JMJD1C: variants seen among roughly 807,000 people sequenced by gnomAD.
The protein encoded by JMJD1C is jumonji domain containing 1C.
In JMJD1C, 31 loss-of-function variants were observed where a neutral mutation model predicts 245.3. The ratio of observed to expected loss-of-function variants is 0.13; its 90% CI spans 0.09 to 0.17. JMJD1C has a LOEUF of 0.17. Ranked by LOEUF, JMJD1C falls within the 10% of genes least tolerant of loss-of-function variation. The pLI is 1.00. For missense variants in JMJD1C, 2,691 were observed against 3,000.2 expected (o/e 0.90, Z 2.41); for synonymous variants, 1,057 against 1,017.4 (o/e 1.04, Z -0.74).
intron 8 of JMJD1C, among the ~76,000 whole-genome samples, chr10:63,212,539 G>C (rs1187423941): frequency 1.3e-5 from 2 of 152,096 alleles, no homozygotes; most frequent in Non-Finnish European, 2.9e-5. Flanking sequence ...GAATGAACAA[G>C]AGCCTTATAC....
intron 1 of JMJD1C, among the ~76,000 whole-genome samples, chr10:63,406,184 G>A (rs1332127093): frequency 6.6e-6 from 1 of 152,072 alleles, no homozygotes; most frequent in African/African-American, 2.4e-5. Context: ...TAAAAAACTG[G>A]AAAAGGTAGA....
intron 2 of JMJD1C, among the ~76,000 whole-genome samples, chr10:63,362,701 G>T (rs750902980): frequency 6.6e-6 from 1 of 151,870 alleles, no homozygotes; most frequent in African/African-American, 2.4e-5. Context: ...GGCTAGTCTC[G>T]AACTCCTGGG....
At chr10:63,262,632 G>A (rs1203683445) in intron 3 of JMJD1C, among the ~76,000 whole-genome samples, 2 of 152,108 alleles carry the variant, frequency 1.3e-5, no homozygotes, top group Admixed American at 6.5e-5. Context: ...GAAACACAAT[G>A]GTTAAAATGT....
At chr10:63,304,248 G>C (rs960411665) in intron 2 of JMJD1C, among the ~76,000 whole-genome samples, 8 of 152,142 alleles carry the variant, frequency 5.3e-5, no homozygotes, top group African/African-American at 1.9e-4. Context: ...TACTGCCTTA[G>C]CCATTATCAG....
rs746532715 is a variant in JMJD1C at position 63,186,344 on chromosome 10, T to C, written c.6610A>G (p.Ser2204Gly). 1 of 1,613,454 alleles carries C rather than the reference T, an allele frequency of 6.2e-7. No homozygotes were observed. Among genetic ancestry groups the C allele is most frequent in the Admixed American group, 1.7e-5 (1 of 59,968 alleles). ...VSGVHKKMNI[S>G]LWKAESISLD... ...CTAATTGATTCCGCCTTCCATAGGC[T>C]AATGTTCATTTTCTTATGCACACCA... Residue 2204 changes from serine to glycine, a missense_variant, in exon 19 of 26, where the codon AGC becomes GGC. Coordinates refer to ENST00000399262, the MANE Select transcript of JMJD1C (RefSeq NM_032776.3).
chr10:63,185,507 G>C, intron 20 of JMJD1C, 56 bp downstream of exon 20: 5 of 948,120 alleles, frequency 5.3e-6, no homozygotes, highest in Non-Finnish European at 8.6e-6. Flanking sequence ...CCTATCTCTG[G>C]GGACAGTCTT....
At chr10:63,319,004 T>C (rs1198645920) in intron 2 of JMJD1C, among the ~76,000 whole-genome samples, 7 of 152,036 alleles carry the variant, frequency 4.6e-5, no homozygotes, top group Admixed American at 3.9e-4. Context: ...CCTTAAAAAA[T>C]GCTCCCAGCA....
intron 1 of JMJD1C, among the ~76,000 whole-genome samples, chr10:63,438,165 G>A (rs1272674021): frequency 6.6e-6 from 1 of 151,944 alleles, no homozygotes; most frequent in African/African-American, 2.4e-5. Context: ...CCAATCCCCA[G>A]TATTATTACC....
intron 1 of JMJD1C, among the ~76,000 whole-genome samples, chr10:63,454,056 T>C (rs2616629): frequency 0.14 from 21,036 of 152,130 alleles, 2,089 homozygotes; most frequent in Admixed American, 0.29. Flanking sequence ...AATTTTTTTC[T>C]ACTAGTCAGA....
rs1315085902 is a variant in JMJD1C at position 63,167,792 on chromosome 10, AAAC to A, written c.*250_*252del. 2 of 323,150 alleles carry A rather than the reference AAAC, an allele frequency of 6.2e-6. No homozygotes were observed. The highest frequency in any genetic ancestry group is 4.5e-5 in the Admixed American group (1 of 22,096). The allele number at this position is 323,150 out of a possible 1,614,324, so 20.0% of individuals were successfully genotyped here. On this transcript the variant is annotated 3_prime_UTR_variant, in exon 26 of 26. Coordinates refer to ENST00000399262, the MANE Select transcript of JMJD1C (RefSeq NM_032776.3). ...ATCATTTTAAATCTGGCATTTTCAC[AAAC>A]ATCATATACACTATAATACAAAACA...
chr10:63,336,148 C>A (rs1022430754), intron 2 of JMJD1C, among the ~76,000 whole-genome samples: 5 of 151,746 alleles, frequency 3.3e-5, no homozygotes, highest in South Asian at 2.1e-4. Context: ...AAGAAAAAAA[C>A]CACGTCTATG....
intron 8 of JMJD1C, among the ~76,000 whole-genome samples, chr10:63,211,464 C>CAAA (rs71025124): frequency 1.9e-5 from 2 of 103,446 alleles, no homozygotes; most frequent in Non-Finnish European, 2.0e-5. Context: ...GACTCCATCT[C>CAAA]AAAAAAAAAA....
intron 2 of JMJD1C, among the ~76,000 whole-genome samples, chr10:63,281,316 T>G (rs1028401949): frequency 2.8e-5 from 4 of 145,158 alleles, no homozygotes; most frequent in Middle Eastern, 3.2e-3. Context: ...TCTGTTTTTT[T>G]TTTTTGTTTG....
chr10:63,287,985 T>C (rs763428764), intron 2 of JMJD1C, among the ~76,000 whole-genome samples: 8 of 152,168 alleles, frequency 5.3e-5, no homozygotes, highest in Non-Finnish European at 1.0e-4. Context: ...GACCTCGTGA[T>C]CCACCAGCCT....
chr10:63,213,416 C>T, intron 8 of JMJD1C, 57 bp downstream of exon 8: 1 of 969,704 alleles, frequency 1.0e-6, no homozygotes, highest in South Asian at 1.8e-5. Context: ...ATTGAAAAAG[C>T]ACCTGTACAT....
intron 10 of JMJD1C, chr10:63,202,319 A>T (rs1846111990): frequency 1.0e-5 from 10 of 983,496 alleles, no homozygotes; most frequent in Admixed American, 6.2e-5. Context: ...CTAACTTGTA[A>T]GTGTCTTATT....
At chr10:63,415,492 G>A (rs1352310582) in intron 1 of JMJD1C, among the ~76,000 whole-genome samples, 1 of 152,106 alleles carries the variant, frequency 6.6e-6, no homozygotes, top group Non-Finnish European at 1.5e-5. Context: ...TGTGGATTCA[G>A]CAAAACTTTA....
intron 1 of JMJD1C, among the ~76,000 whole-genome samples, chr10:63,480,474 C>T (rs1324662226): frequency 1.3e-5 from 2 of 152,044 alleles, no homozygotes; most frequent in Admixed American, 6.6e-5. Flanking sequence ...TGACACACCA[C>T]ACCTGGCCTA....
chr10:63,361,588 T>C (rs540183101), intron 2 of JMJD1C, among the ~76,000 whole-genome samples: 173 of 151,818 alleles, frequency 1.1e-3, no homozygotes, highest in Non-Finnish European at 1.8e-3. Flanking sequence ...AAAAATCAGC[T>C]TCCTCTCAAT....
Sources: allele counts gnomAD v4.1 joint callset (sites outside exome capture counted in the v4.1 genomes callset), GRCh38; gene constraint gnomAD v4.1.1; transcripts MANE v1.5; gene names NCBI Gene and HGNC (gene_info 2026-07-23, HGNC 2026-07-21).